The following ARHGEF11 variants were observed in gnomAD, a reference collection of about 807,000 sequenced individuals.
ARHGEF11 encodes Rho guanine nucleotide exchange factor 11, also known as Rho guanine exchange factor (GEF) 11.
ARHGEF11 carries 55 observed loss-of-function variants against 193.7 expected under a neutral mutation model. That is an observed-to-expected ratio of 0.28 (90% CI 0.23 to 0.36). ARHGEF11 has a LOEUF of 0.36. ARHGEF11 is among the 10% of genes least tolerant of loss of function. The pLI is 1.00. For synonymous variants in ARHGEF11, 693 were observed against 768.0 expected (o/e 0.90, Z 1.62); for missense variants, 1,723 against 2,005.6 (o/e 0.86, Z 2.69).
chr1:156,960,943 A>C (rs143010679), intron 14 of ARHGEF11, among the ~76,000 whole-genome samples: 3 of 152,300 alleles, frequency 2.0e-5, no homozygotes, highest in East Asian at 1.9e-4. Flanking sequence ...AGGTTCCATA[A>C]CAACCAACAG....
rs138288041 is a variant in ARHGEF11, at chr1:157,017,745, G to C, written c.32+26554C>G. Among the ~76,000 whole-genome samples the C allele has an allele frequency of 3.1e-4, 47 of 149,588 alleles. No homozygotes were observed. The East Asian group carries it at 9.0e-3, about 29-fold the overall frequency. On this transcript the variant is annotated intron_variant, in intron 1 of 40. Coordinates refer to ENST00000368194, the MANE Select transcript of ARHGEF11 (RefSeq NM_198236.3). ...AAAAAAAAAAAAGAAACGGAGAAGA[G>C]GATTTAATAATTTCTTTTGTTTTGA... is the stretch of plus-strand genomic sequence containing the variant.
chr1:157,005,519 C>G (rs899240900), intron 1 of ARHGEF11, among the ~76,000 whole-genome samples: 3 of 152,178 alleles, frequency 2.0e-5, no homozygotes, highest in African/African-American at 7.2e-5. Flanking sequence ...CCATTCAGAA[C>G]CCCCAGAATT....
In ARHGEF11 at chr1:156,968,081, T is replaced by C. The variant is rs147174597; in HGVS notation, c.869A>G (p.Asp290Gly). 8.1e-6 allele frequency: 13 copies of C among 1,614,056 alleles called. No homozygotes were observed. The African/African-American group carries it at 1.6e-4, about 20-fold the overall frequency. ...GATCACAGGGGAGGTTCGAGGACTG[T>C]CTAGCCCAGGGTCTGACAGTACCGA... is the stretch of plus-strand genomic sequence containing the variant. The part of the protein sequence containing the change: ...RNSVLSDPGL[D>G]SPRTSPVIMA... Residue 290 changes from aspartate (D) to glycine (G), a missense_variant, in exon 11 of 41, where the codon GAC becomes GGC. Coordinates refer to ENST00000368194, the MANE Select transcript of ARHGEF11 (RefSeq NM_198236.3).
intron 1 of ARHGEF11, among the ~76,000 whole-genome samples, chr1:157,023,574 T>C (rs1207647418): frequency 6.6e-6 from 1 of 152,174 alleles, no homozygotes; most frequent in Non-Finnish European, 1.5e-5. Context: ...GAGATCAGCC[T>C]GGCCAACATG....
At chr1:156,956,638 C>G in intron 18 of ARHGEF11, 74 bp from the exon 19 acceptor site, 1 of 1,592,336 alleles carries the variant, frequency 6.3e-7, no homozygotes, top group African/African-American at 1.3e-5. Context: ...CTCTTCACCA[C>G]CACGCAGTGG....
intron 1 of ARHGEF11, among the ~76,000 whole-genome samples, chr1:157,001,351 G>A (rs1667184266): frequency 6.6e-6 from 1 of 152,044 alleles, no homozygotes; most frequent in Non-Finnish European, 1.5e-5. Flanking sequence ...GCTGACAGAA[G>A]GCCAGCCAAG....
At chr1:156,999,818 C>T (rs951853348) in intron 1 of ARHGEF11, among the ~76,000 whole-genome samples, 8 of 152,172 alleles carry the variant, frequency 5.3e-5, no homozygotes, top group African/African-American at 1.9e-4. Context: ...CTCACCACAT[C>T]GTAGCCACTG....
intron 7 of ARHGEF11, 147 bp from the exon 8 acceptor site, chr1:156,971,963 G>T: frequency 1.1e-6 from 1 of 941,224 alleles, no homozygotes; most frequent in Non-Finnish European, 1.5e-6. Context: ...GTAGATGCAC[G>T]GTATTTCAAC....
chr1:156,969,173 G>C, intron 10 of ARHGEF11, 109 bp downstream of exon 10: 1 of 865,550 alleles, frequency 1.2e-6, no homozygotes, highest in Non-Finnish European at 1.8e-6. Context: ...CTAGAACGAT[G>C]GAAGAGGCAC....
chr1:156,947,290 C>A lies in ARHGEF11; in HGVS notation c.2488+14G>T. ...GCAGCAGAAGAGGAGTCTGGAGGGG[C>A]ACAGGCTCCTTACTGTGAATCTCTA... On this transcript the variant is annotated intron_variant, in intron 26 of 40. Coordinates refer to ENST00000368194, the MANE Select transcript of ARHGEF11 (RefSeq NM_198236.3). 6.3e-7 allele frequency: 1 copy of A among 1,593,324 alleles called. No individual in the cohort carries two copies. The highest frequency in any genetic ancestry group is 1.2e-5 in the South Asian group (1 of 86,650).
At chr1:156,968,389 G>A (rs1365231493) in intron 10 of ARHGEF11, among the ~76,000 whole-genome samples, 1 of 152,208 alleles carries the variant, frequency 6.6e-6, no homozygotes, top group Admixed American at 6.5e-5. Flanking sequence ...GACTTGCTAA[G>A]TCAGAGAGCT....
intron 1 of ARHGEF11, among the ~76,000 whole-genome samples, chr1:156,989,554 C>T (rs1665419617): frequency 6.6e-6 from 1 of 152,186 alleles, no homozygotes; most frequent in African/African-American, 2.4e-5. Flanking sequence ...TTTTCAAATT[C>T]GTCTCTGATT....
chr1:157,019,109 C>T (rs1009770459), intron 1 of ARHGEF11, among the ~76,000 whole-genome samples: 3 of 152,124 alleles, frequency 2.0e-5, no homozygotes, highest in Non-Finnish European at 4.4e-5. Flanking sequence ...AGAGTACAAA[C>T]TATAAAAGAA....
intron 1 of ARHGEF11, among the ~76,000 whole-genome samples, chr1:157,029,470 C>G (rs1313222724): frequency 2.0e-5 from 3 of 152,080 alleles, no homozygotes; most frequent in Non-Finnish European, 4.4e-5. Flanking sequence ...TGGGGTTTCA[C>G]CATGTTGGTT....
At chr1:156,971,933 G>C in intron 7 of ARHGEF11, 117 bp from the exon 8 acceptor site, 5 of 1,292,102 alleles carry the variant, frequency 3.9e-6, no homozygotes, top group Non-Finnish European at 5.2e-6. Flanking sequence ...AGATGAGAGA[G>C]AAGAGGTCTC....
intron 4 of ARHGEF11, 30 bp from the exon 5 acceptor site, chr1:156,979,316 T>C (rs758895186): frequency 1.0e-5 from 16 of 1,594,224 alleles, no homozygotes; most frequent in South Asian, 4.4e-5. Flanking sequence ...TATTGAGTAA[T>C]GGTAATGAAC....
rs1231898707 is a variant in ARHGEF11, at chr1:157,044,333, T to C, written c.-3A>G. On this transcript the variant is annotated 5_prime_UTR_variant, in exon 1 of 41. Transcript: ENST00000368194. ...CTCTGGGGTAACCTTACACTCATGG[T>C]TTCTCGGTGTCTCCACGGTTCCAGA... 6.2e-7 allele frequency: 1 copy of C among 1,613,740 alleles called. No individual in the cohort carries two copies. The highest frequency in any genetic ancestry group is 1.7e-5 in the Admixed American group (1 of 59,988).
intron 11 of ARHGEF11, among the ~76,000 whole-genome samples, chr1:156,964,246 C>G (rs960480422): frequency 3.3e-5 from 5 of 152,162 alleles, no homozygotes; most frequent in African/African-American, 9.7e-5. Context: ...TTCCCCCTTA[C>G]GCTAATTTAA....
At chr1:157,041,615 C>T (rs888395364) in intron 1 of ARHGEF11, among the ~76,000 whole-genome samples, 8 of 152,182 alleles carry the variant, frequency 5.3e-5, no homozygotes, top group African/African-American at 1.4e-4. Context: ...GAAATTAACA[C>T]GTGAATGTTG....
Sources: gnomAD v4.1 joint callset for allele counts (sites outside exome capture counted in the v4.1 genomes callset) on GRCh38, gnomAD v4.1.1 for gene constraint, MANE v1.5 for transcripts, NCBI Gene and HGNC (gene_info 2026-07-23, HGNC 2026-07-21) for gene names.